EPHA4: variants seen among roughly 807,000 people sequenced by gnomAD.
The protein encoded by EPHA4 is ephrin type-A receptor 4.
A neutral mutation model predicts 108.3 loss-of-function variants in EPHA4; 19 were observed. The observed-to-expected ratio is 0.18, with a 90% CI of 0.12 to 0.26. The LOEUF is 0.26. Ranked by LOEUF, EPHA4 falls within the 10% of genes least tolerant of loss-of-function variation. The pLI, the probability that EPHA4 is intolerant of heterozygous loss-of-function variation, is 1.00. For missense variants in EPHA4, 917 were observed against 1,254.0 expected, an observed-to-expected ratio of 0.73 and a Z score of 4.06; for synonymous variants, 449 against 455.5, an observed-to-expected ratio of 0.99 and a Z score of 0.18.
At chr2:221,453,841 T>C (rs1409295920) in intron 8 of EPHA4, among the ~76,000 whole-genome samples, 2 of 152,292 alleles carry the variant, frequency 1.3e-5, no homozygotes, top group East Asian at 3.9e-4. Flanking sequence ...TTGGTCCCTG[T>C]ATACCAGGAC....
chr2:221,445,447 G>A (rs1326593834), intron 9 of EPHA4, among the ~76,000 whole-genome samples: 9 of 151,954 alleles, frequency 5.9e-5, no homozygotes, highest in East Asian at 5.8e-4. Flanking sequence ...AAAATTAGCC[G>A]GGGGTCGTGG....
chr2:221,432,427 AAAC>A (rs529937333), intron 14 of EPHA4, among the ~76,000 whole-genome samples: 182 of 152,296 alleles, frequency 1.2e-3, no homozygotes, highest in African/African-American at 4.2e-3. Context: ...ATAATCACAT[AAAC>A]AATAGATTAC....
At chr2:221,434,091 A>G (rs762332419) in intron 14 of EPHA4, 51 bp downstream of exon 14, 1 of 1,571,790 alleles carries the variant, frequency 6.4e-7, no homozygotes, top group Non-Finnish European at 8.6e-7. Context: ...GTAATGCAGA[A>G]CTTCCTGAAT....
At chr2:221,528,094 TAG>T (rs888823660) in intron 3 of EPHA4, among the ~76,000 whole-genome samples, 4 of 141,726 alleles carry the variant, frequency 2.8e-5, no homozygotes, top group African/African-American at 7.7e-5. Flanking sequence ...GTTTAAAACA[TAG>T]AGTTATGCCT....
chr2:221,455,869 C>T lies in EPHA4; in HGVS notation c.1604-211G>A, dbSNP rs138957880. Among the ~76,000 whole-genome samples, 883 of 152,264 alleles carry T rather than the reference C, an allele frequency of 5.8e-3. 8 individuals carry two copies. The highest frequency in any genetic ancestry group is 0.02 in the African/African-American group (841 of 41,552). On this transcript the variant is annotated intron_variant, in intron 7 of 17. Coordinates refer to ENST00000281821, the MANE Select transcript of EPHA4 (RefSeq NM_004438.5). Reference sequence around the variant, plus strand: ...TGCCTAGTTCAAAAGCCACTTCCTCCTTGTACCCTTGCTGGATAATTTCAA... The same window carrying T: ...TGCCTAGTTCAAAAGCCACTTCCTCTTTGTACCCTTGCTGGATAATTTCAA...
intron 4 of EPHA4, among the ~76,000 whole-genome samples, chr2:221,488,145 C>T (rs538649494): frequency 4.6e-5 from 7 of 152,246 alleles, no homozygotes; most frequent in Non-Finnish European, 7.4e-5. Flanking sequence ...ATGATCATGG[C>T]TGTGCTCCAA....
chr2:221,570,664 T>C (rs1453240904), intron 1 of EPHA4, among the ~76,000 whole-genome samples: 1 of 149,818 alleles, frequency 6.7e-6, no homozygotes, highest in African/African-American at 2.5e-5. Flanking sequence ...GCTAAGTTGG[T>C]TTTTGGCTCC....
chr2:221,468,398 G>A (rs187061269), intron 5 of EPHA4, among the ~76,000 whole-genome samples: 1 of 152,162 alleles, frequency 6.6e-6, no homozygotes, highest in Admixed American at 6.5e-5. Flanking sequence ...ATGCATCAAG[G>A]CTTCTATTCC....
At chr2:221,514,975 A>G in intron 3 of EPHA4, among the ~76,000 whole-genome samples, 1 of 152,186 alleles carries the variant, frequency 6.6e-6, no homozygotes, top group Non-Finnish European at 1.5e-5. Context: ...TTTATCTCAG[A>G]TGTACAAAAA....
rs554417333 is a variant in EPHA4 at position 221,433,405 on chromosome 2, T to G, written c.2496+737A>C. On this transcript the variant is annotated intron_variant, in intron 14 of 17. Coordinates refer to ENST00000281821, the MANE Select transcript of EPHA4 (RefSeq NM_004438.5). ...AAAAGTATAGGTGGCCATTTAATTT[T>G]AATATGATTCCCAATCTTACCAGAA... 2.6e-5 allele frequency among the ~76,000 whole-genome samples: 4 copies of G among 152,378 alleles called. No individual in the cohort carries two copies. In the South Asian group the frequency reaches 8.3e-4, roughly 32 times the overall value.
chr2:221,566,932 G>GGGA, intron 2 of EPHA4, among the ~76,000 whole-genome samples: 1 of 25,172 alleles, frequency 4.0e-5, no homozygotes, highest in Non-Finnish European at 6.8e-5. Flanking sequence ...GAAGGAGAAG[G>GGGA]AGAAGGAGAA....
intron 5 of EPHA4, among the ~76,000 whole-genome samples, chr2:221,462,186 G>T (rs1691167027): frequency 6.6e-6 from 1 of 151,802 alleles, no homozygotes; most frequent in African/African-American, 2.4e-5. Context: ...CATGCTAGTT[G>T]ACAGTAGCAT....
At position 221,430,084 on chromosome 2, in the gene EPHA4, T is replaced by C; in HGVS notation, c.2564A>G (p.Gln855Arg). Reference protein sequence around the residue: ...PPMDCPIALHQLMLDCWQKER... With the variant: ...PPMDCPIALHRLMLDCWQKER... ...CTTCTGCCAGCAGTCTAGCATCAGCTGGTGGAGCGCAATGGGGCAGTCCAT... is the reference window on the plus strand; with the variant it reads ...CTTCTGCCAGCAGTCTAGCATCAGCCGGTGGAGCGCAATGGGGCAGTCCAT... Residue 855 changes from glutamine (Q) to arginine (R), a missense_variant, in exon 15 of 18, where the codon CAG (glutamine) becomes CGG (arginine). Gln to Arg is a conservative substitution (Grantham distance 43, BLOSUM62 1). This residue lies in a region of EPHA4 where 133 missense variants were observed against 132.8 expected (regional missense o/e 1.00). Transcript: ENST00000281821. The C allele has an allele frequency of 1.9e-6, 3 of 1,613,900 alleles. No homozygotes were observed. Among genetic ancestry groups the C allele is most frequent in the Non-Finnish European group, 2.5e-6 (3 of 1,180,012 alleles).
intron 3 of EPHA4, among the ~76,000 whole-genome samples, chr2:221,539,228 C>T (rs1023473822): frequency 1.3e-5 from 2 of 152,100 alleles, no homozygotes; most frequent in Non-Finnish European, 2.9e-5. Flanking sequence ...TTACTTATGA[C>T]GACAAGCTGA....
At position 221,425,225 on chromosome 2, in the gene EPHA4, C is replaced by T. The variant is rs1318408229; in HGVS notation, c.*803G>A. The stretch of plus-strand genomic sequence containing the variant: ...TGGACTTACCTTGCAGATCTGGGGT[C>T]GCTTCTTTAAAGGAGCGAAGTGTGA... On this transcript the variant is annotated 3_prime_UTR_variant, in exon 17 of 18. Transcript: ENST00000281821. 4.6e-5 allele frequency: 7 copies of T among 152,412 alleles called. No homozygotes were observed. The highest frequency in any genetic ancestry group is 7.4e-5 in the Non-Finnish European group (5 of 68,008). The allele number at this position is 152,412 out of a possible 1,614,324, so 9.4% of individuals were successfully genotyped here.
chr2:221,480,675 A>G (rs1188899295), intron 5 of EPHA4, among the ~76,000 whole-genome samples: 1 of 152,196 alleles, frequency 6.6e-6, no homozygotes, highest in African/African-American at 2.4e-5. Context: ...ATTAAAAGAC[A>G]AAGGCCTAGC....
intron 3 of EPHA4, among the ~76,000 whole-genome samples, chr2:221,553,176 G>T (rs1293058356): frequency 6.6e-6 from 1 of 152,132 alleles, no homozygotes; most frequent in African/African-American, 2.4e-5. Context: ...AGGGCCTAAA[G>T]ATTGCAAAGT....
At chr2:221,531,043 T>C (rs1693498072) in intron 3 of EPHA4, among the ~76,000 whole-genome samples, 1 of 152,078 alleles carries the variant, frequency 6.6e-6, no homozygotes, top group African/African-American at 2.4e-5. Context: ...TACAATCAAG[T>C]TAAGAAAATA....
chr2:221,453,977 G>T (rs1201572089), intron 8 of EPHA4, among the ~76,000 whole-genome samples: 1 of 152,184 alleles, frequency 6.6e-6, no homozygotes, highest in East Asian at 1.9e-4. Flanking sequence ...AGGAGTTTGA[G>T]ACCAGCCTGG....
Sources: allele counts gnomAD v4.1 joint callset (sites outside exome capture counted in the v4.1 genomes callset), GRCh38; gene constraint gnomAD v4.1.1; regional missense constraint gnomAD v4.1.1; transcripts MANE v1.5; gene names NCBI Gene and HGNC (gene_info 2026-07-23, HGNC 2026-07-21).